UBE4B: variants seen among roughly 807,000 people sequenced by gnomAD.
The protein encoded by UBE4B is ubiquitin conjugation factor E4 B.
A neutral mutation model predicts 148.1 loss-of-function variants in UBE4B; 27 were observed. The observed-to-expected ratio is 0.18, with a 90% CI of 0.13 to 0.25. The LOEUF is 0.25. Among genes scored for constraint, UBE4B ranks in the 10% least tolerant of loss-of-function variants. The pLI is 1.00. For missense variants in UBE4B, 1,170 were observed against 1,662.4 expected (o/e 0.70, Z 5.15); for synonymous variants, 596 against 619.3 (o/e 0.96, Z 0.56).
chr1:10,098,518 G>C (rs564845719), intron 3 of UBE4B, among the ~76,000 whole-genome samples: 21 of 152,268 alleles, frequency 1.4e-4, no homozygotes, highest in Admixed American at 8.5e-4. Context: ...CTATGAACTA[G>C]AGTGACGTGT....
chr1:10,104,794 T>C (rs1645078968), intron 5 of UBE4B, among the ~76,000 whole-genome samples: 1 of 152,208 alleles, frequency 6.6e-6, no homozygotes, highest in Non-Finnish European at 1.5e-5. Flanking sequence ...TTAAAACTTT[T>C]GTTAAAACAA....
chr1:10,065,166 A>G (rs1196310539), intron 1 of UBE4B, among the ~76,000 whole-genome samples: 1 of 152,182 alleles, frequency 6.6e-6, no homozygotes, highest in African/African-American at 2.4e-5. Context: ...GTGTATATAC[A>G]TCTATACACC....
At chr1:10,040,615 T>C (rs986143761) in intron 1 of UBE4B, among the ~76,000 whole-genome samples, 3 of 149,162 alleles carry the variant, frequency 2.0e-5, no homozygotes, top group Non-Finnish European at 4.4e-5. Context: ...TTCTTTCTTC[T>C]TTTTTCTTTT....
rs748535001 is a variant in UBE4B, at chr1:10,135,179, T to C, written c.2217T>C (p.Thr739=). The C allele has an allele frequency of 1.2e-6, 2 of 1,613,068 alleles. No homozygotes were observed. Among genetic ancestry groups the C allele is most frequent in the Non-Finnish European group, 1.7e-6 (2 of 1,179,434 alleles). ...TGGAAGATGTGAATGACTGGCTGACTGAACTCTGTGAGTACTGTGTTCGTG... is the reference window on the plus strand; with the variant it reads ...TGGAAGATGTGAATGACTGGCTGACCGAACTCTGTGAGTACTGTGTTCGTG... ...ATMEDVNDWL[T]ELYGDQPPFS... Residue 739 remains threonine (T), a synonymous_variant, in exon 16 of 28, where the codon ACT becomes ACC. Coordinates refer to ENST00000343090, the MANE Select transcript of UBE4B (RefSeq NM_001105562.3).
intron 1 of UBE4B, among the ~76,000 whole-genome samples, chr1:10,057,811 G>T (rs190317568): frequency 1.3e-5 from 2 of 152,124 alleles, no homozygotes; most frequent in East Asian, 3.9e-4. Context: ...TAAGTATTTT[G>T]TGCTTTATTT....
intron 2 of UBE4B, among the ~76,000 whole-genome samples, chr1:10,081,780 G>A (rs1644685969): frequency 6.6e-6 from 1 of 152,098 alleles, no homozygotes; most frequent in Non-Finnish European, 1.5e-5. Context: ...GTAGAGACGA[G>A]GTTTCACCAT....
chr1:10,072,727 C>G (rs968123782), intron 2 of UBE4B: 3 of 446,248 alleles, frequency 6.7e-6, no homozygotes, highest in African/African-American at 6.0e-5. Flanking sequence ...AATAAATGAG[C>G]TGATGCTTGA....
intron 25 of UBE4B, among the ~76,000 whole-genome samples, chr1:10,175,439 C>G (rs1241865878): frequency 6.6e-6 from 1 of 151,756 alleles, no homozygotes; most frequent in Non-Finnish European, 1.5e-5. Context: ...ATCACAAGGT[C>G]AGGAGATCGA....
intron 1 of UBE4B, among the ~76,000 whole-genome samples, chr1:10,034,469 A>G (rs1368772673): frequency 1.4e-5 from 2 of 147,240 alleles, no homozygotes; most frequent in African/African-American, 5.3e-5. Flanking sequence ...TTAATAAATT[A>G]GGTTGTTGTA....
In UBE4B at chr1:10,033,167, G is replaced by C. The variant is rs1643364107; in HGVS notation, c.-504G>C. The C allele has an allele frequency of 6.6e-6, 1 of 152,664 alleles. No individual in the cohort carries two copies. The highest frequency in any genetic ancestry group is 1.5e-5 in the Non-Finnish European group (1 of 68,368). 9.5% of individuals were successfully genotyped at this position (152,664 alleles called of 1,614,324 possible). A position where few individuals can be genotyped will look rare whatever the true frequency, so the allele number is the denominator to read the frequency against. On this transcript the variant is annotated 5_prime_UTR_variant, in exon 1 of 28. Coordinates refer to ENST00000343090, the MANE Select transcript of UBE4B (RefSeq NM_001105562.3). ...GGGGAGGGGCTTCCCTTACAGTGCT[G>C]GGCTCTGCCAGGACGGCTGTGGGGT...
intron 2 of UBE4B, 139 bp downstream of exon 2, chr1:10,072,353 T>A: frequency 9.8e-7 from 1 of 1,023,280 alleles, no homozygotes; most frequent in Non-Finnish European, 1.4e-6. Flanking sequence ...GTAGTTTAAA[T>A]ATCATTGCAA....
intron 17 of UBE4B, among the ~76,000 whole-genome samples, chr1:10,142,935 C>T (rs1645806651): frequency 6.6e-6 from 1 of 152,030 alleles, no homozygotes; most frequent in Non-Finnish European, 1.5e-5. Flanking sequence ...TGGTGAAACC[C>T]TTTTCTACCA....
chr1:10,137,297 T>C (rs888554529), intron 17 of UBE4B, 92 bp downstream of exon 17: 8 of 1,527,798 alleles, frequency 5.2e-6, no homozygotes, highest in Non-Finnish European at 6.3e-6. Context: ...GTTTTGAATG[T>C]TGGGGGAGGT....
At chr1:10,078,965 C>T (rs973295152) in intron 2 of UBE4B, among the ~76,000 whole-genome samples, 5 of 152,060 alleles carry the variant, frequency 3.3e-5, no homozygotes, top group African/African-American at 7.2e-5. Flanking sequence ...TACAGGTGCG[C>T]GCCACCATGC....
At chr1:10,153,277 G>A (rs1011891250) in intron 21 of UBE4B, among the ~76,000 whole-genome samples, 1 of 151,542 alleles carries the variant, frequency 6.6e-6, no homozygotes, top group Admixed American at 6.6e-5. Flanking sequence ...AGGCCAAGGT[G>A]GGAGGATTGT....
intron 1 of UBE4B, among the ~76,000 whole-genome samples, chr1:10,035,752 AT>A (rs1312508799): frequency 9.1e-6 from 1 of 109,862 alleles, no homozygotes; most frequent in Admixed American, 9.7e-5. Flanking sequence ...ATTTTATTTT[AT>A]TTTTTTTGAG....
chr1:10,136,920 CAAATAAATAAAT>C, intron 16 of UBE4B, 135 bp from the exon 17 acceptor site: 1 of 970,812 alleles, frequency 1.0e-6, no homozygotes, highest in African/African-American at 1.6e-5. Flanking sequence ...AAGTCCATCT[CAAATAAATAAAT>C]AAATAAATAA....
At chr1:10,076,662 G>C in intron 2 of UBE4B, among the ~76,000 whole-genome samples, 1 of 151,490 alleles carries the variant, frequency 6.6e-6, no homozygotes, top group Middle Eastern at 3.4e-3. Flanking sequence ...GTTTTCAGTT[G>C]CAAGTAACTA....
At chr1:10,138,927 C>A (rs1393499459) in intron 17 of UBE4B, among the ~76,000 whole-genome samples, 3 of 152,132 alleles carry the variant, frequency 2.0e-5, no homozygotes, top group East Asian at 3.9e-4. Flanking sequence ...ACCAGTCTTT[C>A]TTTCCTGGAG....
Sources: allele counts gnomAD v4.1 joint callset (sites outside exome capture counted in the v4.1 genomes callset), GRCh38; gene constraint gnomAD v4.1.1; transcripts MANE v1.5; gene names NCBI Gene and HGNC (gene_info 2026-07-23, HGNC 2026-07-21).